The following ASPM variants were observed in gnomAD, a reference collection of about 807,000 sequenced individuals.
The protein encoded by ASPM is assembly factor for spindle microtubules.
Under a neutral mutation model 366.4 loss-of-function variants are expected in ASPM, and 256 were observed. That is an observed-to-expected ratio of 0.70 (90% CI 0.63 to 0.77). The LOEUF (loss-of-function observed/expected upper bound fraction) is 0.77, where lower values mean the gene tolerates loss of function less well. Among genes scored for constraint, ASPM ranks in the 30% least tolerant of loss-of-function variants. The pLI is 0.00. For synonymous variants in ASPM, 1,414 were observed against 1,342.9 expected (o/e 1.05, Z -1.16); for missense variants, 4,146 against 4,090.4 (o/e 1.01, Z -0.37).
At position 197,128,650 on chromosome 1, in the gene ASPM, G is replaced by T; in HGVS notation, c.2776C>A (p.Leu926Ile). 6.2e-7 allele frequency: 1 copy of T among 1,612,034 alleles called. No homozygotes were observed. Among genetic ancestry groups the T allele is most frequent in the Non-Finnish European group, 8.5e-7 (1 of 1,178,752 alleles). The part of the protein sequence containing the change: ...DAEFKASKEI[L>I]LAFSRDFLSG... ...AGGAAATCTCGTGAAAAAGCCAAAAGGATTTCTTTACTAGCCTATAAAGAA... is the reference window on the plus strand; with the variant it reads ...AGGAAATCTCGTGAAAAAGCCAAAATGATTTCTTTACTAGCCTATAAAGAA... Residue 926 changes from leucine to isoleucine, a missense_variant, in exon 10 of 28, where the codon CTT becomes ATT. This residue lies in a region of ASPM where 3,624 missense variants were observed against 3,591.7 expected (regional missense o/e 1.01). Transcript: ENST00000367409.
In ASPM at chr1:197,133,470, G is replaced by GACGTAGTCTGTTTAACCTACACC; in HGVS notation, c.2276_2298dup (p.Arg767GlyfsTer4). On this transcript the variant is annotated stop_gained and frameshift_variant, in exon 6 of 28. Coordinates refer to ENST00000367409, the MANE Select transcript of ASPM (RefSeq NM_018136.5). LOFTEE classifies it high-confidence loss of function. ...GAAGTAAACAAACGGCATGCTGCAC[G>GACGTAGTCTGTTTAACCTACACC]ACGTAGTCTGTTTAACCTACACCGA... 6.2e-7 allele frequency: 1 copy of GACGTAGTCTGTTTAACCTACACC among 1,613,994 alleles called. No individual in the cohort carries two copies. The highest frequency in any genetic ancestry group is 8.5e-7 in the Non-Finnish European group (1 of 1,179,974).
At chr1:197,090,446 C>T (rs1202740595) in intron 23 of ASPM, 58 bp from the exon 24 acceptor site, 1 of 1,297,190 alleles carries the variant, frequency 7.7e-7, no homozygotes, top group Non-Finnish European at 1.1e-6. Flanking sequence ...CTATTTATAT[C>T]TACATCTGTT....
In ASPM at chr1:197,103,146, T is replaced by A; in HGVS notation, c.6105A>T (p.Lys2035Asn). 1 of 1,612,844 alleles carries A rather than the reference T, an allele frequency of 6.2e-7. No homozygotes were observed. Among genetic ancestry groups the A allele is most frequent in the Non-Finnish European group, 8.5e-7 (1 of 1,179,344 alleles). ...VTLQSAYRGM[K>N]VRKRIKDCNK... ...TGCAATCCTTTATTCTTTTTCTCAC[T>A]TTCATACCACGATAAGCTGACTGTA... is the stretch of plus-strand genomic sequence containing the variant. The change falls in exon 18 of 28, where the codon AAA becomes AAT. Residue 2035 changes from lysine to asparagine, a missense_variant. By Grantham distance (94) the Lys-to-Asn change is moderately conservative (BLOSUM62 0). Transcript: ENST00000367409.
At chr1:197,135,623 C>CTTTTTT (rs778898963) in intron 4 of ASPM, among the ~76,000 whole-genome samples, 15 of 69,780 alleles carry the variant, frequency 2.1e-4, no homozygotes, top group East Asian at 8.6e-4. Context: ...AAATATCTGT[C>CTTTTTT]TTTTTTTTTT....
chr1:197,125,849 T>C (rs1049202596), intron 10 of ASPM, among the ~76,000 whole-genome samples: 4 of 152,144 alleles, frequency 2.6e-5, no homozygotes, highest in African/African-American at 9.7e-5. Flanking sequence ...AAAAAGCTGG[T>C]AGAATTACTT....
rs200083138 is a variant in ASPM at position 197,086,957 on chromosome 1, A to G, written c.10177T>C (p.Ser3393Pro). The G allele has an allele frequency of 1.9e-6, 3 of 1,609,036 alleles. No individual in the cohort carries two copies. The highest frequency in any genetic ancestry group is 2.5e-6 in the Non-Finnish European group (3 of 1,179,302). ...TNRASDVRSR[S>P]KVVDRIYSLY... ...CTGTAAATACGGTCAACAACTTTGG[A>G]CCTACTTCGTACATCCTACAAAATA... The change falls in exon 27 of 28, where the codon TCC (serine) becomes CCC (proline). Residue 3393 changes from serine to proline, a missense_variant. By Grantham distance (74) the Ser-to-Pro change is moderately conservative. Around this residue, in one of 3 missense-constraint regions of ASPM, gnomAD observed 3,624 missense variants for 3,591.7 expected, o/e 1.01. Coordinates refer to ENST00000367409, the MANE Select transcript of ASPM (RefSeq NM_018136.5).
In ASPM at chr1:197,090,404, CA is replaced by C; in HGVS notation, c.9637-17del. 1 of 1,573,392 alleles carries C rather than the reference CA, an allele frequency of 6.4e-7. No homozygotes were observed. Among genetic ancestry groups the C allele is most frequent in the Non-Finnish European group, 8.7e-7 (1 of 1,150,096 alleles). On this transcript the variant is annotated splice_polypyrimidine_tract_variant and intron_variant, in intron 23 of 27. Transcript: ENST00000367409. ...TCCATAATGCCTTAAAGAGATAAAACAGAGTAATTTTAAGATTATAGCCAAT... is the reference window on the plus strand; with the variant it reads ...TCCATAATGCCTTAAAGAGATAAAACGAGTAATTTTAAGATTATAGCCAAT...
In ASPM at chr1:197,143,072, T is replaced by A; in HGVS notation, c.1180A>T (p.Asn394Tyr). 6.2e-7 allele frequency: 1 copy of A among 1,612,954 alleles called. No homozygotes were observed. The highest frequency in any genetic ancestry group is 8.5e-7 in the Non-Finnish European group (1 of 1,179,050). The change falls in exon 3 of 28, where the codon AAT (asparagine) becomes TAT (tyrosine). Residue 394 changes from asparagine (N) to tyrosine (Y), a missense_variant. Asn to Tyr is a moderately radical substitution (Grantham distance 143). Transcript: ENST00000367409. Reference protein sequence around the residue: ...SESVNPILSPNQFLKDNMAYM... With the variant: ...SESVNPILSPYQFLKDNMAYM... ...GCCATGTTATCTTTTAAAAATTGATTAGGGGATAAAATAGGATTAACTGAC... is the reference window on the plus strand; with the variant it reads ...GCCATGTTATCTTTTAAAAATTGATAAGGGGATAAAATAGGATTAACTGAC...
chr1:197,092,993 A>G, intron 21 of ASPM, 59 bp downstream of exon 21: 1 of 1,408,688 alleles, frequency 7.1e-7, no homozygotes, highest in East Asian at 2.3e-5. Context: ...TCTTAACACT[A>G]TTTAACATCA....
chr1:197,103,156 C>G lies in ASPM; in HGVS notation c.6095G>C (p.Arg2032Pro). The change falls in exon 18 of 28, where the codon CGT becomes CCT. Residue 2032 changes from arginine to proline, a missense_variant. Transcript: ENST00000367409. Reference protein sequence around the residue: ...AAVVTLQSAYRGMKVRKRIKD... With the variant: ...AAVVTLQSAYPGMKVRKRIKD... ...TATTCTTTTTCTCACTTTCATACCA[C>G]GATAAGCTGACTGTAAAGTTACTAC... The G allele has an allele frequency of 6.2e-7, 1 of 1,612,728 alleles. No individual in the cohort carries two copies. Among genetic ancestry groups the G allele is most frequent in the Non-Finnish European group, 8.5e-7 (1 of 1,179,330 alleles).
Position 197,146,189 on chromosome 1 carries a change from CG to C in ASPM, c.248del (p.Pro83ArgfsTer36), listed in dbSNP as rs749766343. ...ACACACTGAAGCCCAGGTCCGCGGC[CG>C]GGAAGTGGGAGATCTTCACTTCTGC... ...EVAEVKISHF[P>X]AADLGFSVSQ... On this transcript the variant is annotated frameshift_variant, in exon 1 of 28. Coordinates refer to ENST00000367409, the MANE Select transcript of ASPM (RefSeq NM_018136.5). LOFTEE classifies it high-confidence loss of function. 1 of 1,613,712 alleles carries C rather than the reference CG, an allele frequency of 6.2e-7. No individual in the cohort carries two copies. The highest frequency in any genetic ancestry group is 2.2e-5 in the East Asian group (1 of 44,830).
chr1:197,145,345 G>A (rs998214656), intron 1 of ASPM, among the ~76,000 whole-genome samples: 2 of 152,048 alleles, frequency 1.3e-5, no homozygotes, highest in Admixed American at 6.6e-5. Flanking sequence ...AGGAGTTCTT[G>A]AAACAACATT....
In ASPM at chr1:197,104,761, C is replaced by A. The variant is rs779743297; in HGVS notation, c.4490G>T (p.Arg1497Ile). The A allele has an allele frequency of 6.3e-7, 1 of 1,599,712 alleles. No homozygotes were observed. The highest frequency in any genetic ancestry group is 8.5e-7 in the Non-Finnish European group (1 of 1,174,566). Residue 1497 changes from arginine (R) to isoleucine (I), a missense_variant, in exon 18 of 28, where the codon AGA (arginine) becomes ATA (isoleucine). Physicochemically the swap from Arg to Ile is moderately conservative, Grantham distance 97 (BLOSUM62 -3). Transcript: ENST00000367409. ...IRSCVVIIQK[R>I]FRCFQAQKLY... The stretch of plus-strand genomic sequence containing the variant: ...CTTTTGGGCTTGAAAGCACCGAAAT[C>A]TTTTCTGAATGATAACAACACAAGA...
At chr1:197,145,328 A>C (rs7527211) in intron 1 of ASPM, among the ~76,000 whole-genome samples, 6,307 of 152,282 alleles carry the variant, frequency 0.041, 444 homozygotes, top group African/African-American at 0.14. Flanking sequence ...CAGTAAAAGA[A>C]AGCTACAGGA....
intron 20 of ASPM, 132 bp from the exon 21 acceptor site, chr1:197,093,393 A>C: frequency 1.2e-6 from 1 of 808,586 alleles, no homozygotes; most frequent in Non-Finnish European, 2.1e-6. Flanking sequence ...TGTTTCATAG[A>C]TATGAAATGA....
In ASPM at chr1:197,090,238, A is replaced by G; in HGVS notation, c.9787T>C (p.Tyr3263His). The change falls in exon 24 of 28, where the codon TAT becomes CAT. Residue 3263 changes from tyrosine (Y) to histidine (H), a missense_variant. By Grantham distance (83) the Tyr-to-His change is moderately conservative (BLOSUM62 2). This residue lies in a region of ASPM where 3,624 missense variants were observed against 3,591.7 expected (regional missense o/e 1.01). Coordinates refer to ENST00000367409, the MANE Select transcript of ASPM (RefSeq NM_018136.5). ...TCAAGAATGGCAGAAAGGTGCTTAT[A>G]TGTCAAAAGGTAATGAAGTGCAAGT... ...TALALHYLLT[Y>H]KHLSAILEAL... 1 of 1,613,610 alleles carries G rather than the reference A, an allele frequency of 6.2e-7. No homozygotes were observed. The highest frequency in any genetic ancestry group is 2.2e-5 in the East Asian group (1 of 44,790).
At position 197,084,201 on chromosome 1, in the gene ASPM, T is replaced by C. The variant is rs1656508475; in HGVS notation, c.*123A>G. The C allele has an allele frequency of 1.4e-6, 1 of 704,236 alleles. No homozygotes were observed. Among genetic ancestry groups the C allele is most frequent in the Admixed American group, 2.4e-5 (1 of 42,272 alleles). The allele number at this position is 704,236 out of a possible 1,614,324, so 43.6% of individuals were successfully genotyped here. On this transcript the variant is annotated 3_prime_UTR_variant, in exon 28 of 28. Transcript: ENST00000367409. ...AAAATGAAGAATGTAATGAACAGTT[T>C]ATGTTTTTTTAAAACAAAGTCAGAT...
intron 26 of ASPM, 127 bp from the exon 27 acceptor site, chr1:197,087,099 C>G: frequency 1.2e-6 from 1 of 829,452 alleles, no homozygotes; most frequent in South Asian, 1.7e-5. Flanking sequence ...TTGAGATGGT[C>G]TCTCTTGCTC....
At chr1:197,114,281 G>A (rs1657678110) in intron 17 of ASPM, among the ~76,000 whole-genome samples, 1 of 152,198 alleles carries the variant, frequency 6.6e-6, no homozygotes, top group African/African-American at 2.4e-5. Context: ...TGAGCCTTCA[G>A]CAAATTGTAA....
Sources: gnomAD v4.1 joint callset for allele counts (sites outside exome capture counted in the v4.1 genomes callset) on GRCh38, gnomAD v4.1.1 for gene constraint, gnomAD v4.1.1 regional missense constraint, MANE v1.5 for transcripts, NCBI Gene and HGNC (gene_info 2026-07-23, HGNC 2026-07-21) for gene names.